The following TANK variants were observed in gnomAD, a reference collection of about 807,000 sequenced individuals.
The protein encoded by TANK is TRAF family member associated NFKB activator.
Under a neutral mutation model 43.6 loss-of-function variants are expected in TANK, and 15 were observed. The observed-to-expected ratio is 0.34, with a 90% CI of 0.23 to 0.53. TANK has a LOEUF of 0.53. Ranked by LOEUF, TANK falls within the 20% of genes least tolerant of loss-of-function variation. The pLI, the probability that TANK is intolerant of heterozygous loss-of-function variation, is 0.94. For missense variants in TANK, 417 were observed against 498.6 expected, an observed-to-expected ratio of 0.84 and a Z score of 1.56; for synonymous variants, 162 against 178.2, an observed-to-expected ratio of 0.91 and a Z score of 0.73.
intron 2 of TANK, among the ~76,000 whole-genome samples, chr2:161,185,846 AAAACTT>A (rs1036319980): frequency 4.6e-5 from 7 of 152,226 alleles, no homozygotes; most frequent in African/African-American, 1.4e-4. Context: ...CATGTACCCT[AAAACTT>A]AAAGTATAAT....
chr2:161,176,665 T>G (rs1169058773), intron 1 of TANK, among the ~76,000 whole-genome samples: 1 of 152,172 alleles, frequency 6.6e-6, no homozygotes, highest in Non-Finnish European at 1.5e-5. Context: ...AGGAAGTTTC[T>G]TAGAAATTGG....
In TANK at chr2:161,200,286, A is replaced by G. The variant is rs566631131; in HGVS notation, c.100-3201A>G. ...GGGGTCTTTGATAGTGCTAGAATGT[A>G]CTTGCTTTGTAATTGTATTTTAAAA... On this transcript the variant is annotated intron_variant, in intron 2 of 7. Coordinates refer to ENST00000392749, the MANE Select transcript of TANK (RefSeq NM_001199135.3). 1.8e-5 allele frequency: 16 copies of G among 900,932 alleles called. No homozygotes were observed. The East Asian group carries it at 1.7e-3, about 94-fold the overall frequency. The allele number at this position is 900,932 out of a possible 1,614,324, so 55.8% of individuals were successfully genotyped here. A position where few individuals can be genotyped will look rare whatever the true frequency, so the allele number is the denominator to read the frequency against.
intron 1 of TANK, among the ~76,000 whole-genome samples, chr2:161,173,089 A>G (rs954224344): frequency 1.3e-5 from 2 of 152,176 alleles, no homozygotes; most frequent in Non-Finnish European, 2.9e-5. Flanking sequence ...TAGTCTAGCC[A>G]TAACTGAGTC....
rs1303647104 is a variant in TANK at position 161,231,462 on chromosome 2, T to C, written c.1012T>C (p.Tyr338His). The C allele has an allele frequency of 6.2e-7, 1 of 1,614,158 alleles. No individual in the cohort carries two copies. The highest frequency in any genetic ancestry group is 8.5e-7 in the Non-Finnish European group (1 of 1,180,020). The change falls in exon 7 of 8, where the codon TAT becomes CAT. Residue 338 changes from tyrosine (Y) to histidine (H), a missense_variant. Physicochemically the swap from Tyr to His is moderately conservative, Grantham distance 83. Coordinates refer to ENST00000392749, the MANE Select transcript of TANK (RefSeq NM_001199135.3). ...GCCACCTGGAGACCATAATGCATTATATGTAAATAGCTTCCCACTTCTGGA... is the reference window on the plus strand; with the variant it reads ...GCCACCTGGAGACCATAATGCATTACATGTAAATAGCTTCCCACTTCTGGA... ...CLPPGDHNALYVNSFPLLDPS... is the reference protein window; with the variant it reads ...CLPPGDHNALHVNSFPLLDPS...
intron 4 of TANK, chr2:161,212,339 G>A (rs1432952606): frequency 5.1e-6 from 5 of 976,240 alleles, no homozygotes; most frequent in Non-Finnish European, 6.1e-6. Context: ...AGGATTACAG[G>A]TGTGTGCCAC....
intron 1 of TANK, among the ~76,000 whole-genome samples, chr2:161,143,696 G>A (rs1233115494): frequency 6.6e-6 from 1 of 152,110 alleles, no homozygotes; most frequent in Non-Finnish European, 1.5e-5. Flanking sequence ...GCTTTTTGAT[G>A]TGCTTTTGGA....
chr2:161,171,447 T>C (rs1367632565), intron 1 of TANK, among the ~76,000 whole-genome samples: 1 of 152,164 alleles, frequency 6.6e-6, no homozygotes, highest in Non-Finnish European at 1.5e-5. Flanking sequence ...GACTTGCAAA[T>C]CCAGCAGCCT....
exon 1 of TANK, chr2:161,137,013 A>ATCTT: frequency 6.1e-6 from 6 of 985,420 alleles, no homozygotes; most frequent in Non-Finnish European, 7.2e-6. Flanking sequence ...AACTGTCTTC[A>ATCTT]TCTTTACAGA....
chr2:161,228,762 C>G (rs994475347), intron 6 of TANK, among the ~76,000 whole-genome samples: 1 of 152,140 alleles, frequency 6.6e-6, no homozygotes, highest in Non-Finnish European at 1.5e-5. Context: ...GGTAAGTGCT[C>G]TATACAGGCA....
intron 1 of TANK, chr2:161,137,950 G>C (rs1409177438): frequency 4.5e-6 from 2 of 445,022 alleles, no homozygotes; most frequent in Non-Finnish European, 5.9e-6. Flanking sequence ...TAGGCAACAA[G>C]AGCAAAACTC....
intron 1 of TANK, chr2:161,162,516 TTC>T (rs531056049): frequency 6.6e-6 from 1 of 152,104 alleles, no homozygotes. Flanking sequence ...TCTTATCTCT[TTC>T]TTTCTTTGCT....
At chr2:161,162,272 C>A (rs1322404240) in intron 1 of TANK, among the ~76,000 whole-genome samples, 4 of 151,982 alleles carry the variant, frequency 2.6e-5, no homozygotes, top group Non-Finnish European at 5.9e-5. Flanking sequence ...CTTCATTTTT[C>A]CTTTTCAAAA....
At chr2:161,219,860 A>T (rs1020063397) in intron 4 of TANK, 13 of 386,758 alleles carry the variant, frequency 3.4e-5, no homozygotes, top group Non-Finnish European at 6.7e-5. Context: ...ATGAATCTTT[A>T]TTTTCAGTTT....
At chr2:161,206,157 A>AG (rs1686644012) in intron 4 of TANK, among the ~76,000 whole-genome samples, 1 of 152,094 alleles carries the variant, frequency 6.6e-6, no homozygotes, top group South Asian at 2.1e-4. Context: ...AATAGAAGAG[A>AG]GCCAAGCAAG....
chr2:161,147,114 G>A (rs932340702), intron 1 of TANK, among the ~76,000 whole-genome samples: 10 of 152,128 alleles, frequency 6.6e-5, no homozygotes, highest in Admixed American at 6.5e-4. Context: ...GTTTGCCACA[G>A]CTGGTGTGTT....
intron 1 of TANK, chr2:161,162,051 A>G (rs1684465085): frequency 6.6e-6 from 1 of 152,086 alleles, no homozygotes. Context: ...CTTTGTTTTT[A>G]TGACTAGGCA....
chr2:161,230,871 C>T (rs1220809033), intron 6 of TANK, 100 bp from the exon 7 acceptor site: 1 of 937,014 alleles, frequency 1.1e-6, no homozygotes, highest in Non-Finnish European at 1.6e-6. Context: ...GCTATAAAAA[C>T]CAATAGAAAA....
At position 161,181,851 on chromosome 2, in the gene TANK, G is replaced by A. The variant is rs115576053; in HGVS notation, c.99+2090G>A. Among the ~76,000 whole-genome samples the A allele has an allele frequency of 2.7e-3, 416 of 152,150 alleles. 1 individual carries two copies. Among genetic ancestry groups the A allele is most frequent in the African/African-American group, 9.6e-3 (397 of 41,496 alleles). ...AACCTTTCTGAAGATAACAGCCTCA[G>A]GCCTGCTGTGTTAAATTACTTCTGC... is the stretch of plus-strand genomic sequence containing the variant. On this transcript the variant is annotated intron_variant, in intron 2 of 7. Coordinates refer to ENST00000392749, the MANE Select transcript of TANK (RefSeq NM_001199135.3).
At chr2:161,143,563 T>C (rs1364482206) in intron 1 of TANK, among the ~76,000 whole-genome samples, 1 of 152,232 alleles carries the variant, frequency 6.6e-6, no homozygotes, top group Non-Finnish European at 1.5e-5. Context: ...TCTGCTTCTA[T>C]TGAGATAACC....
Sources: allele counts gnomAD v4.1 joint callset (sites outside exome capture counted in the v4.1 genomes callset), GRCh38; gene constraint gnomAD v4.1.1; transcripts MANE v1.5; gene names NCBI Gene and HGNC (gene_info 2026-07-23, HGNC 2026-07-21).